Variants in ZNF75D observed in about 807,000 individuals in gnomAD.
ZNF75D encodes zinc finger protein 75D.
In ZNF75D, 33 loss-of-function variants were observed where a neutral mutation model predicts 33.3. That is an observed-to-expected ratio of 0.99 (90% CI 0.75 to 1.32). ZNF75D has a LOEUF of 1.32. Ranked by LOEUF, ZNF75D falls within the 40% of genes most tolerant of loss-of-function variation. ZNF75D has a pLI of 0.00. For missense variants in ZNF75D, 338 were observed against 367.5 expected, an observed-to-expected ratio of 0.92 and a Z score of 0.66; for synonymous variants, 113 against 130.6, an observed-to-expected ratio of 0.87 and a Z score of 0.92.
In ZNF75D at chrX:135,294,000, G is replaced by A. The variant is rs189368121; in HGVS notation, c.141C>T (p.Ser47=). 9 of 1,210,443 alleles carry A rather than the reference G, an allele frequency of 7.4e-6. No individual in the cohort carries two copies. In the South Asian group the frequency reaches 8.8e-5, roughly 12 times the overall value. ...GGAAGCTCCAGAAGTGCCTGCAAGC[G>A]CTCTCAGGACCAAGATTCTCTATTT... The part of the protein sequence containing the change: ...STKIENLGPE[S]ACRHFWSFRY... The change falls in exon 3 of 7, where the codon AGC becomes AGT. Residue 47 remains serine, a synonymous_variant. Coordinates refer to ENST00000370766, the MANE Select transcript of ZNF75D (RefSeq NM_007131.5).
intron 1 of ZNF75D, among the ~76,000 whole-genome samples, chrX:135,273,357 C>T (rs980014695): frequency 9.0e-6 from 1 of 111,441 alleles, no homozygotes; most frequent in African/African-American, 3.3e-5. Context: ...GGCGAACTCA[C>T]ACATGTTTCA....
intron 1 of ZNF75D, among the ~76,000 whole-genome samples, chrX:135,338,036 A>C (rs1317664011): frequency 9.0e-6 from 1 of 111,138 alleles, no homozygotes; most frequent in Admixed American, 9.6e-5. Context: ...TGCAAGGAGG[A>C]GGAAGGTCAC....
At chrX:135,317,530 T>C (rs1456356635) in intron 1 of ZNF75D, among the ~76,000 whole-genome samples, 1 of 110,390 alleles carries the variant, frequency 9.1e-6, no homozygotes, top group African/African-American at 3.3e-5. Flanking sequence ...GGGCAGTCAG[T>C]GTGGTGAGGG....
intron 1 of ZNF75D, chrX:135,297,596 T>A (rs782266388): frequency 8.6e-6 from 1 of 116,934 alleles, no homozygotes; most frequent in Non-Finnish European, 1.8e-5. Context: ...AATCAAGGTG[T>A]GATCTTGAGC....
At chrX:135,279,397 C>A (rs1556418156) in intron 1 of ZNF75D, among the ~76,000 whole-genome samples, 1 of 111,525 alleles carries the variant, frequency 9.0e-6, no homozygotes, top group African/African-American at 3.3e-5. Context: ...ATCAGTCTGG[C>A]TAGCAGTCTA....
intron 6 of ZNF75D, among the ~76,000 whole-genome samples, chrX:135,288,240 A>T (rs1468806821): frequency 3.6e-5 from 4 of 112,397 alleles, no homozygotes; most frequent in Non-Finnish European, 7.5e-5. Flanking sequence ...AGACTTGTTG[A>T]TTGAACTCTG....
At position 135,285,930 on chromosome X, in the gene ZNF75D, T is replaced by C. The variant is rs1214925855; in HGVS notation, c.*1207A>G. 1.8e-5 allele frequency: 2 copies of C among 112,567 alleles called. No individual in the cohort carries two copies. Among genetic ancestry groups the C allele is most frequent in the African/African-American group, 3.2e-5 (1 of 30,973 alleles). 9.3% of individuals were successfully genotyped at this position (112,567 alleles called of 1,213,427 possible). ...CAACATTATAAACCAGGATCTGACA[T>C]AGATATAAATCCATGCCTTCCAACT... On this transcript the variant is annotated 3_prime_UTR_variant, in exon 7 of 7. Coordinates refer to ENST00000370766, the MANE Select transcript of ZNF75D (RefSeq NM_007131.5).
intron 1 of ZNF75D, among the ~76,000 whole-genome samples, chrX:135,272,024 G>A (rs1314773153): frequency 9.0e-6 from 1 of 110,591 alleles, no homozygotes; most frequent in African/African-American, 3.3e-5. Flanking sequence ...GGCTGACATG[G>A]GAACAAGCTG....
rs782588730 is a variant in ZNF75D, at chrX:135,287,735, T to C, written c.935A>G (p.Gln312Arg). The change falls in exon 7 of 7, where the codon CAG becomes CGG. Residue 312 changes from glutamine to arginine, a missense_variant. Gln to Arg is a conservative substitution (Grantham distance 43). Coordinates refer to ENST00000370766, the MANE Select transcript of ZNF75D (RefSeq NM_007131.5). ...AGGATTTTCCCTGCCCATTGTTTTC[T>C]GGGCAATTTTCATTCTGGTCTTTTT... is the stretch of plus-strand genomic sequence containing the variant. ...VSKKTRMKIAQKTMGRENPGD... is the reference protein window; with the variant it reads ...VSKKTRMKIARKTMGRENPGD... 2.5e-6 allele frequency: 3 copies of C among 1,211,858 alleles called. No individual in the cohort carries two copies. Among genetic ancestry groups the C allele is most frequent in the East Asian group, 5.9e-5 (2 of 33,842 alleles).
intron 1 of ZNF75D, among the ~76,000 whole-genome samples, chrX:135,333,866 C>T (rs782704038): frequency 4.6e-4 from 51 of 112,031 alleles, no homozygotes; most frequent in African/African-American, 1.4e-3. Context: ...ACTTTTACAA[C>T]GAACATCAGA....
chrX:135,312,746 A>G lies in ZNF75D; in HGVS notation c.-390-16707T>C, dbSNP rs1478011647. 2.8e-5 allele frequency among the ~76,000 whole-genome samples: 3 copies of G among 107,887 alleles called. No individual in the cohort carries two copies. The Admixed American group carries it at 3.0e-4, about 11-fold the overall frequency. 93.7% of individuals were successfully genotyped at this position (107,887 alleles called of 115,157 possible). ...CGTGGTTTTGATTTGCATTTCCCTG[A>G]TATTTAGTGATGTTGAGTACTTTTT... On this transcript the variant is annotated intron_variant, in intron 1 of 6. Transcript: ENST00000370766.
At chrX:135,259,006 T>C (rs945417643) in intron 1 of ZNF75D, among the ~76,000 whole-genome samples, 26 of 112,381 alleles carry the variant, frequency 2.3e-4, no homozygotes, top group Non-Finnish European at 4.3e-4. Context: ...TTCAGCTTTC[T>C]ACATATGGCT....
At chrX:135,291,730 A>G (rs2084043652) in intron 4 of ZNF75D, 167 bp from the exon 5 acceptor site, 6 of 593,228 alleles carry the variant, frequency 1.0e-5, no homozygotes, top group Non-Finnish European at 1.5e-5. Flanking sequence ...TAAGAACCAA[A>G]TATCTACCAC....
rs782308511 is a variant in ZNF75D, at chrX:135,259,116, G to A, written n.828-3339C>T. ...GATCAGATGGTTGTAAATGTGTGGC[G>A]TTATTTCTGAGGGCTCTGTTCTGTT... On this transcript the variant is annotated intron_variant and non_coding_transcript_variant, in intron 1 of 3. Transcript: ENST00000494295. Among the ~76,000 whole-genome samples the A allele has an allele frequency of 4.3e-4, 48 of 111,222 alleles. No homozygotes were observed. In the East Asian group the frequency reaches 8.2e-3, roughly 19 times the overall value.
rs1417282026 is a variant in ZNF75D at position 135,287,711 on chromosome X, G to A, written c.959C>T (p.Pro320Leu). 16 of 1,210,407 alleles carry A rather than the reference G, an allele frequency of 1.3e-5. No homozygotes were observed. The highest frequency in any genetic ancestry group is 2.3e-4 in the Middle Eastern group (1 of 4,375). ...IAQKTMGREN[P>L]GDTHSVQKWH... ...TTTCTGTACACTGTGTGTATCACCAGGATTTTCCCTGCCCATTGTTTTCTG... is the reference window on the plus strand; with the variant it reads ...TTTCTGTACACTGTGTGTATCACCAAGATTTTCCCTGCCCATTGTTTTCTG... Residue 320 changes from proline (P) to leucine (L), a missense_variant, in exon 7 of 7, where the codon CCT (proline) becomes CTT (leucine). Pro to Leu is a moderately conservative substitution (Grantham distance 98). Transcript: ENST00000370766.
rs1556421594 is a variant in ZNF75D at position 135,292,612 on chromosome X, G to A, written c.412-139C>T. ...GTAATAAAAAGAATGAAGAGGTATT[G>A]TGCCACTATGTTCTCATAAAGAACT... On this transcript the variant is annotated intron_variant, in intron 3 of 6. Coordinates refer to ENST00000370766, the MANE Select transcript of ZNF75D (RefSeq NM_007131.5). The A allele has an allele frequency of 8.3e-6, 4 of 483,767 alleles. No individual in the cohort carries two copies. The African/African-American group carries it at 9.6e-5, about 12-fold the overall frequency. 39.9% of individuals were successfully genotyped at this position (483,767 alleles called of 1,213,427 possible).
At chrX:135,339,799 A>C (rs1230147768) in intron 1 of ZNF75D, among the ~76,000 whole-genome samples, 1 of 111,367 alleles carries the variant, frequency 9.0e-6, no homozygotes, top group Non-Finnish European at 1.9e-5. Flanking sequence ...ACTCCCTCCT[A>C]TGGGTCAGAT....
intron 1 of ZNF75D, among the ~76,000 whole-genome samples, chrX:135,335,738 A>G (rs1159612635): frequency 8.9e-6 from 1 of 111,843 alleles, no homozygotes; most frequent in African/African-American, 3.3e-5. Flanking sequence ...GTATGGATAA[A>G]CCAGTACTTC....
chrX:135,293,580 T>C lies in ZNF75D; in HGVS notation c.411+150A>G, dbSNP rs1198005108. 11 of 481,467 alleles carry C rather than the reference T, an allele frequency of 2.3e-5. No individual in the cohort carries two copies. The East Asian group carries it at 3.6e-4, about 16-fold the overall frequency. The allele number at this position is 481,467 out of a possible 1,213,427, so 39.7% of individuals were successfully genotyped here. On this transcript the variant is annotated intron_variant, in intron 3 of 6. Transcript: ENST00000370766. ...AATCTTGAAACCTGTGGACTATTGA[T>C]GCATGTATGTCATTTCAGATCCTTG...
Sources: gnomAD v4.1 joint callset for allele counts (sites outside exome capture counted in the v4.1 genomes callset) on GRCh38, gnomAD v4.1.1 for gene constraint, MANE v1.5 for transcripts, NCBI Gene and HGNC (gene_info 2026-07-23, HGNC 2026-07-21) for gene names.